Variants in SDHAF4 observed in about 807,000 individuals in gnomAD.
SDHAF4 encodes the protein succinate dehydrogenase complex assembly factor 4, also known as succinate dehydrogenase assembly factor 4, mitochondrial.
Under a neutral mutation model 14.3 loss-of-function variants are expected in SDHAF4, and 14 were observed. The ratio of observed to expected loss-of-function variants is 0.98; its 90% CI spans 0.65 to 1.53. The LOEUF (loss-of-function observed/expected upper bound fraction) is 1.53, where lower values mean the gene tolerates loss of function less well. SDHAF4 is among the 40% of genes most tolerant of loss of function. SDHAF4 has a pLI of 0.00. For missense variants in SDHAF4, 141 were observed against 129.3 expected, an observed-to-expected ratio of 1.09 and a Z score of -0.44; for synonymous variants, 63 against 47.3, an observed-to-expected ratio of 1.33 and a Z score of -1.36.
At chr6:70,589,865 T>C (rs9455173), downstream of SDHAF4, among the ~76,000 whole-genome samples, 66,804 of 152,082 alleles carry the variant, frequency 0.44, 15,228 homozygotes, top group Middle Eastern at 0.55. Flanking sequence ...GGGACCTTAA[T>C]TCCAGCTGAT....
chr6:70,575,998 A>G (rs1802251198), intron 1 of SDHAF4, among the ~76,000 whole-genome samples: 2 of 152,204 alleles, frequency 1.3e-5, no homozygotes, highest in African/African-American at 4.8e-5. Flanking sequence ...TACAGTTACT[A>G]TTGCTCAACA....
intron 2 of SDHAF4, among the ~76,000 whole-genome samples, chr6:70,587,168 T>TCAAACACACACACACA (rs1765211859): frequency 7.4e-6 from 1 of 135,448 alleles, no homozygotes; most frequent in African/African-American, 2.8e-5. Context: ...TGAAACTCCA[T>TCAAACACACACACACA]CACACACACA....
chr6:70,573,127 C>A (rs1344857708), intron 1 of SDHAF4, among the ~76,000 whole-genome samples: 1 of 152,056 alleles, frequency 6.6e-6, no homozygotes, highest in Non-Finnish European at 1.5e-5. Context: ...ATAGGCACCA[C>A]CGTCATGCAG....
chr6:70,579,743 A>T (rs1053332334), intron 2 of SDHAF4, among the ~76,000 whole-genome samples, 177 bp downstream of exon 2: 1 of 152,214 alleles, frequency 6.6e-6, no homozygotes, highest in Non-Finnish European at 1.5e-5. Context: ...ATTTCTTAAT[A>T]AAAAAGATTT....
At chr6:70,587,274 G>C (rs1020559336) in intron 2 of SDHAF4, among the ~76,000 whole-genome samples, 1 of 152,046 alleles carries the variant, frequency 6.6e-6, no homozygotes, top group African/African-American at 2.4e-5. Flanking sequence ...TGGATCATTT[G>C]GGGTCAGGAG....
chr6:70,575,706 T>C (rs1802245366), intron 1 of SDHAF4, among the ~76,000 whole-genome samples: 1 of 133,260 alleles, frequency 7.5e-6, no homozygotes, highest in African/African-American at 3.1e-5. Context: ...GTTGTTTTTG[T>C]ATATGTGTGT....
Position 70,575,379 on chromosome 6 carries a change from A to G in SDHAF4, c.65-4035A>G, listed in dbSNP as rs563088980. 3.6e-4 allele frequency among the ~76,000 whole-genome samples: 54 copies of G among 151,058 alleles called. No homozygotes were observed. In the South Asian group the frequency reaches 5.2e-3, roughly 15 times the overall value. On this transcript the variant is annotated intron_variant, in intron 1 of 2. Transcript: ENST00000370474. ...GGGGACAGAGTGAGACTCTGTCTGA[A>G]AAAAAAAAGGACCCTCCTGGTCAAC... is the stretch of plus-strand genomic sequence containing the variant.
the SDHAF4 span, among the ~76,000 whole-genome samples, chr6:70,598,309 GC>G: frequency 3.3e-5 from 5 of 152,170 alleles, no homozygotes; most frequent in African/African-American, 9.7e-5. Context: ...AACCCAGGAG[GC>G]AGAGGTTGCA....
At chr6:70,590,816 A>C (rs1045270454), downstream of SDHAF4, among the ~76,000 whole-genome samples, 1 of 152,198 alleles carries the variant, frequency 6.6e-6, no homozygotes, top group Non-Finnish European at 1.5e-5. Flanking sequence ...GAATTGGTTC[A>C]TGCAGTTCTA....
chr6:70,582,856 C>T (rs559001916), intron 2 of SDHAF4, among the ~76,000 whole-genome samples: 2 of 152,300 alleles, frequency 1.3e-5, no homozygotes, highest in South Asian at 4.1e-4. Context: ...TGTCTCCCTG[C>T]CTCTAGTATG....
At chr6:70,598,229 A>T in the SDHAF4 span, among the ~76,000 whole-genome samples, 1 of 152,140 alleles carries the variant, frequency 6.6e-6, no homozygotes. Flanking sequence ...CTACAAAAAA[A>T]GTAGCCAGGC....
rs776608369 is a variant in SDHAF4, at chr6:70,588,603, C to G, written c.218-12C>G. The G allele has an allele frequency of 1.0e-5, 15 of 1,481,514 alleles. No homozygotes were observed. The highest frequency in any genetic ancestry group is 1.4e-5 in the Non-Finnish European group (15 of 1,069,800). The allele number at this position is 1,481,514 out of a possible 1,614,324, so 91.8% of individuals were successfully genotyped here. Reference sequence around the variant, plus strand: ...TCCATTAACTGCTTTATTTATATCTCGTTTTCCTTAGAATTTCCAGATGAT... The same window carrying G: ...TCCATTAACTGCTTTATTTATATCTGGTTTTCCTTAGAATTTCCAGATGAT... On this transcript the variant is annotated splice_polypyrimidine_tract_variant and intron_variant, in intron 2 of 2. Transcript: ENST00000370474.
intron 2 of SDHAF4, among the ~76,000 whole-genome samples, chr6:70,587,094 C>G (rs1036841825): frequency 1.3e-5 from 2 of 151,576 alleles, no homozygotes; most frequent in Non-Finnish European, 2.9e-5. Flanking sequence ...TCACTTGAAC[C>G]CTGGAGGCGG....
At chr6:70,589,661 A>G (rs1443042466), downstream of SDHAF4, 1 of 152,236 alleles carries the variant, frequency 6.6e-6, no homozygotes, top group East Asian at 1.9e-4. Context: ...TAATAACAGA[A>G]AATCTTTAAC....
At chr6:70,569,427 C>T (rs971822123) in intron 1 of SDHAF4, among the ~76,000 whole-genome samples, 1 of 152,132 alleles carries the variant, frequency 6.6e-6, no homozygotes, top group Non-Finnish European at 1.5e-5. Context: ...CACCACCACA[C>T]CCAGATAATT....
intron 1 of SDHAF4, among the ~76,000 whole-genome samples, chr6:70,571,324 T>C (rs1042667478): frequency 1.3e-5 from 2 of 152,186 alleles, no homozygotes; most frequent in African/African-American, 4.8e-5. Context: ...TTTTTAAATA[T>C]AATGTTGTAT....
At chr6:70,580,838 T>C (rs1036403820) in intron 2 of SDHAF4, among the ~76,000 whole-genome samples, 2 of 152,150 alleles carry the variant, frequency 1.3e-5, no homozygotes, top group East Asian at 3.9e-4. Flanking sequence ...GGAGAAGTCA[T>C]TGTTTAGTGG....
intron 1 of SDHAF4, among the ~76,000 whole-genome samples, chr6:70,569,070 A>G (rs1802144580): frequency 2.9e-5 from 4 of 138,270 alleles, no homozygotes; most frequent in African/African-American, 1.1e-4. Flanking sequence ...GGTTCACGCC[A>G]TTCTCCTGCC....
chr6:70,591,855 G>T (rs993462086), downstream of SDHAF4, among the ~76,000 whole-genome samples: 2 of 152,218 alleles, frequency 1.3e-5, no homozygotes, highest in African/African-American at 4.8e-5. Flanking sequence ...GTAGTGAGAG[G>T]TGGGACCTTT....
Sources: gnomAD v4.1 joint callset for allele counts (sites outside exome capture counted in the v4.1 genomes callset) on GRCh38, gnomAD v4.1.1 for gene constraint, MANE v1.5 for transcripts, NCBI Gene and HGNC (gene_info 2026-07-23, HGNC 2026-07-21) for gene names.